The following RAVER2 variants were observed in gnomAD, a reference collection of about 807,000 sequenced individuals.
The protein encoded by RAVER2 is ribonucleoprotein, PTB binding 2.
RAVER2 carries 46 observed loss-of-function variants against 78.1 expected under a neutral mutation model. The ratio of observed to expected loss-of-function variants is 0.59; its 90% CI spans 0.46 to 0.75. RAVER2 has a LOEUF of 0.75. RAVER2 is among the 30% of genes least tolerant of loss of function. The pLI is 0.00. For synonymous variants in RAVER2, 311 were observed against 313.3 expected, an observed-to-expected ratio of 0.99 and a Z score of 0.08; for missense variants, 793 against 837.5, an observed-to-expected ratio of 0.95 and a Z score of 0.66.
intron 10 of RAVER2, among the ~76,000 whole-genome samples, chr1:64,813,887 G>GTTAT (rs758040614): frequency 2.0e-5 from 3 of 148,800 alleles, no homozygotes; most frequent in Non-Finnish European, 4.5e-5. Context: ...TTTGTTTTGG[G>GTTAT]TTATTTATTT....
chr1:64,824,296 A>G (rs976143743), intron 11 of RAVER2, among the ~76,000 whole-genome samples: 4 of 152,236 alleles, frequency 2.6e-5, no homozygotes, highest in African/African-American at 9.6e-5. Context: ...GATGAGGGGA[A>G]GAGGAAAGAA....
At chr1:64,770,986 TA>T (rs55753212) in intron 2 of RAVER2, among the ~76,000 whole-genome samples, 4,079 of 151,140 alleles carry the variant, frequency 0.027, 205 homozygotes, top group African/African-American at 0.094. Context: ...TAGGAATAGT[TA>T]AAAAAAAATT....
intron 11 of RAVER2, among the ~76,000 whole-genome samples, chr1:64,824,760 T>A (rs1653966701): frequency 6.6e-6 from 1 of 151,284 alleles, no homozygotes; most frequent in Non-Finnish European, 1.5e-5. Context: ...CGAAACCCCG[T>A]CTCTACAGAA....
chr1:64,819,964 C>CTA (rs1361363990), intron 11 of RAVER2, among the ~76,000 whole-genome samples: 11 of 152,062 alleles, frequency 7.2e-5, no homozygotes, highest in Admixed American at 5.2e-4. Flanking sequence ...CTAAAAAAGA[C>CTA]TATATATTTT....
intron 2 of RAVER2, among the ~76,000 whole-genome samples, chr1:64,777,360 A>G (rs1165096718): frequency 6.6e-6 from 1 of 152,182 alleles, no homozygotes; most frequent in African/African-American, 2.4e-5. Flanking sequence ...TTTTACAGTG[A>G]AACTCCTAAT....
At position 64,788,491 on chromosome 1, in the gene RAVER2, AC is replaced by A. The variant is rs567123271; in HGVS notation, c.979-896del. ...CGTCTCAAAAAATAAAAATAAAAAA[AC>A]AATAATAAAGAAGATTTTGGGTCAG... On this transcript the variant is annotated intron_variant, in intron 4 of 11. Transcript: ENST00000294428. Among the ~76,000 whole-genome samples, 9 of 149,258 alleles carry A rather than the reference AC, an allele frequency of 6.0e-5. No homozygotes were observed. In the South Asian group the frequency reaches 1.3e-3, roughly 21 times the overall value.
At chr1:64,764,594 A>T (rs1170200402) in intron 1 of RAVER2, among the ~76,000 whole-genome samples, 2 of 152,226 alleles carry the variant, frequency 1.3e-5, no homozygotes, top group Non-Finnish European at 2.9e-5. Flanking sequence ...CCAAAATCCC[A>T]CAAATAAACA....
At chr1:64,794,549 T>C (rs1191445400) in intron 5 of RAVER2, among the ~76,000 whole-genome samples, 3 of 152,166 alleles carry the variant, frequency 2.0e-5, no homozygotes, top group Non-Finnish European at 4.4e-5. Flanking sequence ...TTCTATTGGA[T>C]GTATAGTGCT....
chr1:64,752,135 A>C (rs1198690761), intron 1 of RAVER2, among the ~76,000 whole-genome samples: 2 of 152,294 alleles, frequency 1.3e-5, no homozygotes, highest in East Asian at 3.9e-4. Context: ...GACCCTTCTC[A>C]CCCACTCCTT....
At chr1:64,818,199 G>A (rs1270111551) in intron 11 of RAVER2, among the ~76,000 whole-genome samples, 3 of 152,134 alleles carry the variant, frequency 2.0e-5, no homozygotes, top group Non-Finnish European at 4.4e-5. Context: ...CATTATTGAT[G>A]TTGTTGCTTG....
At chr1:64,823,109 G>A (rs1375929033) in intron 11 of RAVER2, among the ~76,000 whole-genome samples, 1 of 152,126 alleles carries the variant, frequency 6.6e-6, no homozygotes, top group Non-Finnish European at 1.5e-5. Flanking sequence ...CAATTGTGGT[G>A]ATAGTTGTTC....
rs529419633 is a variant in RAVER2 at position 64,769,574 on chromosome 1, A to G, written c.316+852A>G. ...GAGTGGACTTGTGATTTGCTTGTTG[A>G]TGAATGAAGTGAGAGTGAAAATGAC... On this transcript the variant is annotated intron_variant, in intron 2 of 11. Transcript: ENST00000294428. 5.4e-4 allele frequency among the ~76,000 whole-genome samples: 82 copies of G among 152,154 alleles called. 2 individuals carry two copies. The highest frequency in any genetic ancestry group is 3.4e-3 in the Middle Eastern group (1 of 294).
chr1:64,813,834 C>G (rs1270891817), intron 10 of RAVER2, among the ~76,000 whole-genome samples: 2 of 27,630 alleles, frequency 7.2e-5, no homozygotes, highest in African/African-American at 9.9e-4. Context: ...ACTAGACACA[C>G]ACACACACAC....
intron 5 of RAVER2, among the ~76,000 whole-genome samples, chr1:64,792,859 T>C (rs749751042): frequency 6.6e-6 from 1 of 152,220 alleles, no homozygotes; most frequent in Non-Finnish European, 1.5e-5. Context: ...TGCTATATCC[T>C]GAACTCCTCA....
At chr1:64,814,829 G>T in exon 11 of RAVER2, 1 of 1,574,450 alleles carries the variant, frequency 6.4e-7, no homozygotes, top group South Asian at 1.2e-5. Context: ...ACCTTTTGGT[G>T]ATTATGCACA....
chr1:64,818,615 A>C (rs375173628), intron 11 of RAVER2, among the ~76,000 whole-genome samples: 1 of 152,216 alleles, frequency 6.6e-6, no homozygotes. Context: ...AATGACCAAA[A>C]GCAGGCAGAA....
At chr1:64,814,526 T>C (rs916705835) in intron 10 of RAVER2, among the ~76,000 whole-genome samples, 178 bp from the exon 11 acceptor site, 2 of 152,064 alleles carry the variant, frequency 1.3e-5, no homozygotes, top group Admixed American at 6.6e-5. Flanking sequence ...TATTTAGTTA[T>C]ATATTGGCAA....
intron 1 of RAVER2, among the ~76,000 whole-genome samples, chr1:64,754,352 T>A (rs10493368): frequency 0.097 from 14,706 of 152,230 alleles, 1,021 homozygotes; most frequent in East Asian, 0.28. Context: ...AGGATCATGT[T>A]GTGTTTACCT....
At chr1:64,825,413 G>C (rs1480342072) in intron 11 of RAVER2, among the ~76,000 whole-genome samples, 1 of 152,162 alleles carries the variant, frequency 6.6e-6, no homozygotes, top group East Asian at 1.9e-4. Flanking sequence ...CTGAAGGTAA[G>C]GGTGAGACTG....
Sources: allele counts gnomAD v4.1 joint callset (sites outside exome capture counted in the v4.1 genomes callset), GRCh38; gene constraint gnomAD v4.1.1; transcripts MANE v1.5; gene names NCBI Gene and HGNC (gene_info 2026-07-23, HGNC 2026-07-21).